The following ANO2 variants were observed in gnomAD, a reference collection of about 807,000 sequenced individuals.
ANO2 encodes anoctamin-2.
A neutral mutation model predicts 124.2 loss-of-function variants in ANO2; 101 were observed. The ratio of observed to expected loss-of-function variants is 0.81; its 90% CI spans 0.69 to 0.96. ANO2 has a LOEUF of 0.96. ANO2 is among the 40% of genes least tolerant of loss of function. The pLI is 0.00. For synonymous variants in ANO2, 486 were observed against 482.5 expected (o/e 1.01, Z -0.09); for missense variants, 1,293 against 1,274.5 (o/e 1.01, Z -0.22).
intron 1 of ANO2, among the ~76,000 whole-genome samples, chr12:5,939,173 C>T (rs1443480817): frequency 4.4e-5 from 6 of 136,690 alleles, no homozygotes; most frequent in Non-Finnish European, 7.6e-5. Flanking sequence ...GCTGAGATGG[C>T]ACCACTGCAC....
At chr12:5,922,540 G>T in intron 2 of ANO2, 80 bp downstream of exon 2, 2 of 1,418,388 alleles carry the variant, frequency 1.4e-6, no homozygotes, top group Non-Finnish European at 9.3e-7. Flanking sequence ...CCAACTGGAG[G>T]ATCCCCCAGA....
intron 3 of ANO2, among the ~76,000 whole-genome samples, chr12:5,905,794 A>C (rs1440217159): frequency 6.6e-6 from 1 of 152,164 alleles, no homozygotes; most frequent in Non-Finnish European, 1.5e-5. Flanking sequence ...AGATACAAAA[A>C]AAATCTGCTA....
intron 11 of ANO2, among the ~76,000 whole-genome samples, chr12:5,748,228 G>C (rs1951328139): frequency 6.6e-6 from 1 of 152,200 alleles, no homozygotes; most frequent in Admixed American, 6.5e-5. Flanking sequence ...TTACCATGTG[G>C]GGACCCGGGG....
At chr12:5,903,911 AC>A (rs1940498139) in intron 3 of ANO2, among the ~76,000 whole-genome samples, 1 of 152,130 alleles carries the variant, frequency 6.6e-6, no homozygotes, top group South Asian at 2.1e-4. Context: ...GGAAGGGGTG[AC>A]CCAGAATGCA....
At chr12:5,690,682 G>C (rs2137012887) in intron 14 of ANO2, among the ~76,000 whole-genome samples, 1 of 152,190 alleles carries the variant, frequency 6.6e-6, no homozygotes, top group Middle Eastern at 3.4e-3. Flanking sequence ...ACATAGGCTG[G>C]GAGTGGAGGG....
chr12:5,930,102 T>C (rs1481008903), intron 1 of ANO2, among the ~76,000 whole-genome samples: 1 of 131,792 alleles, frequency 7.6e-6, no homozygotes, highest in Non-Finnish European at 1.7e-5. Context: ...TCTTTCCTTA[T>C]TAGTCACTTT....
intron 17 of ANO2, among the ~76,000 whole-genome samples, chr12:5,613,375 G>A (rs927502628): frequency 6.6e-6 from 1 of 152,180 alleles, no homozygotes; most frequent in Non-Finnish European, 1.5e-5. Context: ...GAAAGCGAGG[G>A]TGAGATGGAC....
chr12:5,782,897 T>A (rs1278028351), intron 10 of ANO2, among the ~76,000 whole-genome samples: 1 of 152,234 alleles, frequency 6.6e-6, no homozygotes, highest in Non-Finnish European at 1.5e-5. Context: ...AAATGTCTAC[T>A]AGCAGAAATC....
In ANO2 at chr12:5,923,085, C is replaced by CACACACGCACACAT. The variant is rs1941818031; in HGVS notation, c.23-282_23-281insATGTGTGCGTGTGT. Among the ~76,000 whole-genome samples, 2 of 17,836 alleles carry CACACACGCACACAT rather than the reference C, an allele frequency of 1.1e-4. 1 individual carries two copies. The highest frequency in any genetic ancestry group is 1.4e-4 in the African/African-American group (2 of 14,410). 11.7% of individuals were successfully genotyped at this position (17,836 alleles called of 152,430 possible). ...ATACACACACACATGCACACATACA[C>CACACACGCACACAT]ACACACACGCACACACATACACACA... On this transcript the variant is annotated intron_variant, in intron 1 of 24. Transcript: ENST00000682330.
intron 23 of ANO2, among the ~76,000 whole-genome samples, chr12:5,571,525 A>G (rs565073691): frequency 6.6e-6 from 1 of 152,358 alleles, no homozygotes; most frequent in East Asian, 1.9e-4. Context: ...ACTGAAAGCT[A>G]AGAATAAGAA....
intron 16 of ANO2, among the ~76,000 whole-genome samples, chr12:5,619,422 C>T (rs766813996): frequency 3.2e-4 from 49 of 152,176 alleles, no homozygotes; most frequent in Non-Finnish European, 2.9e-4. Flanking sequence ...CAAGAGCAGA[C>T]CCACAAGAGT....
intron 4 of ANO2, among the ~76,000 whole-genome samples, chr12:5,837,574 G>C (rs1265786497): frequency 6.8e-6 from 1 of 147,504 alleles, no homozygotes; most frequent in East Asian, 2.0e-4. Flanking sequence ...AGAATATGCA[G>C]TGTTTGCTTT....
At chr12:5,752,818 T>C (rs1227279765) in intron 10 of ANO2, among the ~76,000 whole-genome samples, 2 of 152,194 alleles carry the variant, frequency 1.3e-5, no homozygotes, top group African/African-American at 4.8e-5. Flanking sequence ...TTTCCCCTGT[T>C]TTCTTTTAAG....
intron 3 of ANO2, among the ~76,000 whole-genome samples, chr12:5,867,527 T>C (rs964927541): frequency 6.6e-6 from 1 of 151,946 alleles, no homozygotes; most frequent in Non-Finnish European, 1.5e-5. Context: ...TCCCTAGGGC[T>C]CAGGTAAGTG....
chr12:5,700,298 G>T (rs1949350767), intron 14 of ANO2, among the ~76,000 whole-genome samples: 1 of 152,172 alleles, frequency 6.6e-6, no homozygotes, highest in African/African-American at 2.4e-5. Flanking sequence ...ACTCAAAACT[G>T]CTCAACTACA....
At chr12:5,857,003 C>G (rs1955119209) in intron 3 of ANO2, among the ~76,000 whole-genome samples, 1 of 152,210 alleles carries the variant, frequency 6.6e-6, no homozygotes, top group East Asian at 1.9e-4. Flanking sequence ...ATATTGTTAC[C>G]TTCTCATAAA....
intron 16 of ANO2, among the ~76,000 whole-genome samples, chr12:5,626,233 G>A (rs1028588054): frequency 6.6e-6 from 1 of 152,096 alleles, no homozygotes; most frequent in African/African-American, 2.4e-5. Flanking sequence ...AAGATTGAAG[G>A]TGGCAAGCTG....
chr12:5,916,899 C>A (rs534014266), intron 3 of ANO2, among the ~76,000 whole-genome samples: 5 of 152,216 alleles, frequency 3.3e-5, no homozygotes, highest in South Asian at 2.1e-4. Context: ...ACGCTTTACA[C>A]GCGAGGTCCC....
chr12:5,720,619 A>G (rs1007456926), intron 14 of ANO2, among the ~76,000 whole-genome samples: 1 of 152,158 alleles, frequency 6.6e-6, no homozygotes, highest in Non-Finnish European at 1.5e-5. Context: ...AACATTCCCA[A>G]TCATTGCACA....
Sources: allele counts gnomAD v4.1 joint callset (sites outside exome capture counted in the v4.1 genomes callset), GRCh38; gene constraint gnomAD v4.1.1; transcripts MANE v1.5; gene names NCBI Gene and HGNC (gene_info 2026-07-23, HGNC 2026-07-21).